Variants in ABI3BP observed in about 807,000 individuals in gnomAD.
The protein encoded by ABI3BP is target of Nesh-SH3.
A neutral mutation model predicts 268.6 loss-of-function variants in ABI3BP; 216 were observed. That is an observed-to-expected ratio of 0.80 (90% confidence interval 0.72 to 0.90). The LOEUF (loss-of-function observed/expected upper bound fraction) is 0.90. Ranked by LOEUF, ABI3BP falls within the 40% of genes least tolerant of loss-of-function variation. ABI3BP has a pLI of 0.00. For missense variants in ABI3BP, 2,090 were observed against 2,182.4 expected, an observed-to-expected ratio of 0.96 and a Z score of 0.84; for synonymous variants, 730 against 730.0, an observed-to-expected ratio of 1.00 and a Z score of 0.00.
intron 7 of ABI3BP, among the ~76,000 whole-genome samples, chr3:100,876,126 C>T (rs147196699): frequency 3.0e-4 from 45 of 152,216 alleles, no homozygotes; most frequent in African/African-American, 1.0e-3. Flanking sequence ...CAGATACTGA[C>T]GTGAAGTGAC....
chr3:100,834,919 C>CA (rs1199604038), intron 28 of ABI3BP, 146 bp from the exon 29 acceptor site: 47 of 678,866 alleles, frequency 6.9e-5, no homozygotes, highest in Non-Finnish European at 9.2e-5. Context: ...CATCTATATG[C>CA]AAAAATATGT....
At chr3:100,773,077 C>CAAAAAAAAAAAAA (rs563600769) in intron 61 of ABI3BP, among the ~76,000 whole-genome samples, 1 of 58,096 alleles carries the variant, frequency 1.7e-5, no homozygotes, top group Non-Finnish European at 3.7e-5. Flanking sequence ...GAGTCCATCT[C>CAAAAAAAAAAAAA]AAAAAAAAAA....
At chr3:100,833,761 T>C (rs1344599926) in intron 29 of ABI3BP, among the ~76,000 whole-genome samples, 1 of 152,148 alleles carries the variant, frequency 6.6e-6, no homozygotes, top group Non-Finnish European at 1.5e-5. Flanking sequence ...TGGAGCCAAT[T>C]GGCTCAAATC....
At position 100,839,715 on chromosome 3, in the gene ABI3BP, A is replaced by AT. The variant is rs1195251659; in HGVS notation, c.1898-100dup. The stretch of plus-strand genomic sequence containing the variant: ...AGCTGGGACACTACCTAAATGATGC[A>AT]TTTTTTCTGAATGTGATTTTCCCTT... On this transcript the variant is annotated intron_variant, in intron 23 of 67. Transcript: ENST00000471714. The AT allele has an allele frequency of 7.1e-6, 9 of 1,268,494 alleles. No individual in the cohort carries two copies. The Admixed American group carries it at 7.9e-5, about 11-fold the overall frequency. 78.6% of individuals were successfully genotyped at this position (1,268,494 alleles called of 1,614,324 possible).
intron 63 of ABI3BP, 69 bp downstream of exon 63, chr3:100,765,772 T>C (rs1273247191): frequency 4.2e-6 from 5 of 1,191,926 alleles, no homozygotes; most frequent in Non-Finnish European, 4.9e-6. Context: ...TGATTATCAT[T>C]TCTTTCCCTT....
Position 100,750,566 on chromosome 3 carries a change from T to G in ABI3BP, c.5290A>C (p.Ile1764Leu). The G allele has an allele frequency of 1.2e-6, 2 of 1,613,308 alleles. No individual in the cohort carries two copies. The highest frequency in any genetic ancestry group is 1.7e-6 in the Non-Finnish European group (2 of 1,179,482). ...TAATTGATTTGGGTGTGACCACCTA[T>G]TTCTCCAAATTGGACAGGTTCCTGG... ...VRQEPVQFGE[I>L]GGHTQINYVQ... The change falls in exon 68 of 68, where the codon ATA becomes CTA. Residue 1764 changes from isoleucine (I) to leucine (L), a missense_variant. Coordinates refer to ENST00000471714, the MANE Select transcript of ABI3BP (RefSeq NM_001375547.2).
At chr3:100,833,095 G>A (rs1176243009) in intron 30 of ABI3BP, 30 bp downstream of exon 30, 1 of 1,526,188 alleles carries the variant, frequency 6.6e-7, no homozygotes, top group Admixed American at 2.0e-5. Context: ...TAAGAAAAAG[G>A]ACTTGCTGAA....
At chr3:100,965,624 C>T (rs2081005515) in intron 1 of ABI3BP, among the ~76,000 whole-genome samples, 1 of 151,766 alleles carries the variant, frequency 6.6e-6, no homozygotes, top group African/African-American at 2.4e-5. Context: ...TTCCGTGTAC[C>T]AGGCATTAAT....
chr3:100,806,778 G>A (rs1021019943), intron 50 of ABI3BP, among the ~76,000 whole-genome samples: 2 of 152,072 alleles, frequency 1.3e-5, no homozygotes, highest in Non-Finnish European at 1.5e-5. Flanking sequence ...ACTCACTGAG[G>A]ATGTGAATCT....
At chr3:100,816,093 T>C (rs2098033410) in intron 43 of ABI3BP, 122 bp from the exon 44 acceptor site, 5 of 716,874 alleles carry the variant, frequency 7.0e-6, no homozygotes, top group Non-Finnish European at 8.8e-6. Context: ...TTTGAATTGA[T>C]AGGCAGCATA....
chr3:100,778,124 A>G (rs2096759365), intron 59 of ABI3BP, among the ~76,000 whole-genome samples, 160 bp downstream of exon 59: 1 of 152,244 alleles, frequency 6.6e-6, no homozygotes, highest in African/African-American at 2.4e-5. Context: ...TCAGGTTGTA[A>G]GTCCTGAAAG....
intron 18 of ABI3BP, 137 bp from the exon 19 acceptor site, chr3:100,847,810 G>A (rs2098790097): frequency 2.8e-6 from 2 of 722,278 alleles, no homozygotes; most frequent in South Asian, 3.4e-5. Context: ...AAGTTTTGAG[G>A]AAGAATTGTT....
chr3:100,818,295 G>T (rs2098116750), intron 41 of ABI3BP, among the ~76,000 whole-genome samples: 1 of 152,208 alleles, frequency 6.6e-6, no homozygotes, highest in South Asian at 2.1e-4. Context: ...ATGATCGCAT[G>T]ACACATTGAA....
rs1281680602 is a variant in ABI3BP at position 100,820,319 on chromosome 3, C to T, written c.2948-16G>A. 6.5e-7 allele frequency: 1 copy of T among 1,533,912 alleles called. No individual in the cohort carries two copies. The highest frequency in any genetic ancestry group is 8.7e-7 in the Non-Finnish European group (1 of 1,145,216). On this transcript the variant is annotated splice_polypyrimidine_tract_variant and intron_variant, in intron 39 of 67. Transcript: ENST00000471714. Reference sequence around the variant, plus strand: ...GTTTTAGGAGCTGAAGAAAGAAAACCTTTAGTTACTACAGAGTCCGTAGCT... The same window carrying T: ...GTTTTAGGAGCTGAAGAAAGAAAACTTTTAGTTACTACAGAGTCCGTAGCT...
rs777829684 is a variant in ABI3BP, at chr3:100,816,690, G to A, written c.3227C>T (p.Ser1076Leu). 26 of 1,535,428 alleles carry A rather than the reference G, an allele frequency of 1.7e-5. No homozygotes were observed. Among genetic ancestry groups the A allele is most frequent in the Non-Finnish European group, 1.8e-5 (21 of 1,146,416 alleles). Residue 1076 changes from serine (S) to leucine (L), a missense_variant and splice_region_variant, in exon 43 of 68, where the codon TCG (serine) becomes TTG (leucine). By Grantham distance (145) the Ser-to-Leu change is moderately radical. Coordinates refer to ENST00000471714, the MANE Select transcript of ABI3BP (RefSeq NM_001375547.2). The stretch of plus-strand genomic sequence containing the variant: ...AAGCCAAGGATTCATACATTTACCC[G>A]ATTTGTTCTGAGGTACTTCAGGACT... ...TSSPEVPQNK[S>L]VSVTGFEPVV...
chr3:100,860,797 A>G (rs1245287096), intron 14 of ABI3BP, among the ~76,000 whole-genome samples: 2 of 152,214 alleles, frequency 1.3e-5, no homozygotes, highest in African/African-American at 2.4e-5. Flanking sequence ...CCGAAAAGCT[A>G]AAAGATGAAA....
chr3:100,921,539 T>C (rs1242266735), intron 2 of ABI3BP, among the ~76,000 whole-genome samples: 1 of 151,966 alleles, frequency 6.6e-6, no homozygotes, highest in East Asian at 1.9e-4. Context: ...ACATAGGAAC[T>C]TAGAGGATCT....
chr3:100,749,941 G>A lies in ABI3BP; in HGVS notation c.*554C>T, dbSNP rs577593403. ...GAATGTGTAACTATTAAACTCCTCC[G>A]CAAAGCTATTCAGCTGTTGCTAAAA... is the stretch of plus-strand genomic sequence containing the variant. On this transcript the variant is annotated 3_prime_UTR_variant, in exon 68 of 68. Coordinates refer to ENST00000471714, the MANE Select transcript of ABI3BP (RefSeq NM_001375547.2). The A allele has an allele frequency of 5.3e-4, 205 of 387,328 alleles. No individual in the cohort carries two copies. Among genetic ancestry groups the A allele is most frequent in the Non-Finnish European group, 8.0e-4 (175 of 219,384 alleles). 24.0% of individuals were successfully genotyped at this position (387,328 alleles called of 1,614,324 possible).
At chr3:100,819,807 G>C (rs978982186) in intron 40 of ABI3BP, among the ~76,000 whole-genome samples, 2 of 151,896 alleles carry the variant, frequency 1.3e-5, no homozygotes, top group African/African-American at 4.8e-5. Context: ...AAATTAGCTG[G>C]GTGTGGTGGC....
Sources: allele counts gnomAD v4.1 joint callset (sites outside exome capture counted in the v4.1 genomes callset), GRCh38; gene constraint gnomAD v4.1.1; transcripts MANE v1.5; gene names NCBI Gene and HGNC (gene_info 2026-07-23, HGNC 2026-07-21).